The following FRS2 variants were observed in gnomAD, a reference collection of about 807,000 sequenced individuals.
FRS2 encodes fibroblast growth factor receptor substrate 2, also known as FGFR signalling adaptor.
FRS2 carries 8 observed loss-of-function variants against 43.9 expected under a neutral mutation model. The observed-to-expected ratio is 0.18, with a 90% CI of 0.11 to 0.33. The LOEUF (loss-of-function observed/expected upper bound fraction) is 0.33. Among genes scored for constraint, FRS2 ranks in the 10% least tolerant of loss-of-function variants. The pLI is 1.00. For missense variants in FRS2, 534 were observed against 627.6 expected, an observed-to-expected ratio of 0.85 and a Z score of 1.59; for synonymous variants, 219 against 220.3, an observed-to-expected ratio of 0.99 and a Z score of 0.05.
At chr12:69,523,601 G>A (rs1019378919) in intron 1 of FRS2, among the ~76,000 whole-genome samples, 4 of 152,242 alleles carry the variant, frequency 2.6e-5, no homozygotes, top group South Asian at 4.2e-4. Context: ...ATATGTGTGC[G>A]TTTGATCCTG....
rs1018729338 is a variant in FRS2 at position 69,577,611 on chromosome 12, T to C, written c.*2656T>C. On this transcript the variant is annotated 3_prime_UTR_variant, in exon 9 of 9. Transcript: ENST00000549921. Reference sequence around the variant, plus strand: ...TTTTCCCTCCAAATAGAATACTGTTTTATCCATACAAATCATAACAGCATC... The same window carrying C: ...TTTTCCCTCCAAATAGAATACTGTTCTATCCATACAAATCATAACAGCATC... The C allele has an allele frequency of 2.0e-5, 3 of 152,620 alleles. No individual in the cohort carries two copies. Among genetic ancestry groups the C allele is most frequent in the Non-Finnish European group, 4.4e-5 (3 of 68,010 alleles). 9.5% of individuals were successfully genotyped at this position (152,620 alleles called of 1,614,324 possible). A position where few individuals can be genotyped will look rare whatever the true frequency, so the allele number is the denominator to read the frequency against.
At chr12:69,494,501 C>G (rs1872718002) in intron 1 of FRS2, among the ~76,000 whole-genome samples, 1 of 152,196 alleles carries the variant, frequency 6.6e-6, no homozygotes, top group Non-Finnish European at 1.5e-5. Context: ...AATTCTAACT[C>G]AGTTCTTTCT....
At chr12:69,537,783 A>G (rs1877452927) in intron 3 of FRS2, 1 of 152,352 alleles carries the variant, frequency 6.6e-6, no homozygotes, top group South Asian at 2.1e-4. Flanking sequence ...TCTTTGAATA[A>G]TGCCTCTTAT....
At chr12:69,545,096 A>G (rs1242729941) in intron 3 of FRS2, among the ~76,000 whole-genome samples, 1 of 152,200 alleles carries the variant, frequency 6.6e-6, no homozygotes, top group Non-Finnish European at 1.5e-5. Flanking sequence ...TAACCAAAGA[A>G]GTGAAAGATT....
rs369512504 is a variant in FRS2, at chr12:69,574,504, G to T, written c.1076G>T (p.Trp359Leu). 3.7e-6 allele frequency: 6 copies of T among 1,613,942 alleles called. No individual in the cohort carries two copies. The highest frequency in any genetic ancestry group is 5.1e-6 in the Non-Finnish European group (6 of 1,179,994). The change falls in exon 9 of 9, where the codon TGG (tryptophan) becomes TTG (leucine). Residue 359 changes from tryptophan to leucine, a missense_variant. By Grantham distance (61) the Trp-to-Leu change is moderately conservative. Transcript: ENST00000549921. The part of the protein sequence containing the change: ...YENLPSLPPV[W>L]EARKLSRDED... Reference sequence around the variant, plus strand: ...AATCTACCATCTTTGCCTCCTGTTTGGGAAGCCCGCAAGCTAAGTAGGGAT... The same window carrying T: ...AATCTACCATCTTTGCCTCCTGTTTTGGAAGCCCGCAAGCTAAGTAGGGAT...
At chr12:69,479,708 T>C (rs771016440) in intron 1 of FRS2, among the ~76,000 whole-genome samples, 41 of 152,188 alleles carry the variant, frequency 2.7e-4, no homozygotes, top group Non-Finnish European at 4.7e-4. Context: ...ATCTGTTGTT[T>C]CTTTATGGCT....
intron 8 of FRS2, among the ~76,000 whole-genome samples, chr12:69,573,666 T>G (rs1880946741): frequency 1.3e-5 from 2 of 152,218 alleles, no homozygotes; most frequent in African/African-American, 4.8e-5. Flanking sequence ...TTTCACCATG[T>G]TGGCCAGGAT....
At chr12:69,499,744 T>C (rs1381213786) in intron 1 of FRS2, among the ~76,000 whole-genome samples, 14 of 148,346 alleles carry the variant, frequency 9.4e-5, no homozygotes, top group Admixed American at 7.6e-4. Context: ...ATTGTGTGAA[T>C]GGTTATATAG....
In FRS2 at chr12:69,557,594, T is replaced by TTGTG. The variant is rs376896422; in HGVS notation, c.-121-4563_-121-4560dup. ...TTTCTTTGAGAGTTCTGAAGGTTGA[T>TTGTG]TGTGTGTGTGTGTGTGTGTGTGTGT... On this transcript the variant is annotated intron_variant, in intron 3 of 8. Coordinates refer to ENST00000549921, the MANE Select transcript of FRS2 (RefSeq NM_001278356.2). 3.9e-3 allele frequency among the ~76,000 whole-genome samples: 529 copies of TTGTG among 137,076 alleles called. 4 individuals are homozygous for TTGTG. Among genetic ancestry groups the TTGTG allele is most frequent in the African/African-American group, 0.012 (452 of 36,520 alleles). 89.9% of individuals were successfully genotyped at this position (137,076 alleles called of 152,430 possible).
In FRS2 at chr12:69,569,434, A is replaced by T. The variant is rs542020712; in HGVS notation, c.66+338A>T. 7.9e-5 allele frequency among the ~76,000 whole-genome samples: 12 copies of T among 152,220 alleles called. No individual in the cohort carries two copies. In the South Asian group the frequency reaches 8.3e-4, roughly 11 times the overall value. ...CTGTGTGATTTCTTAACTGGACTCT[A>T]CCTCAAGTCACCCTCTGATTCATCC... On this transcript the variant is annotated intron_variant, in intron 5 of 8. Coordinates refer to ENST00000549921, the MANE Select transcript of FRS2 (RefSeq NM_001278356.2).
At chr12:69,497,300 CT>C (rs1872993446) in intron 1 of FRS2, among the ~76,000 whole-genome samples, 1 of 152,170 alleles carries the variant, frequency 6.6e-6, no homozygotes, top group Non-Finnish European at 1.5e-5. Flanking sequence ...TACATTCGGG[CT>C]AATATAACAA....
intron 1 of FRS2, among the ~76,000 whole-genome samples, chr12:69,509,808 T>G (rs540586870): frequency 1.3e-5 from 2 of 152,306 alleles, no homozygotes; most frequent in East Asian, 3.9e-4. Context: ...GCTTTATACT[T>G]CTAAAAACTC....
chr12:69,541,611 AG>A (rs1877906841), intron 3 of FRS2, among the ~76,000 whole-genome samples: 1 of 151,930 alleles, frequency 6.6e-6, no homozygotes. Context: ...GGATCACTTG[AG>A]CCTGGGAGTT....
chr12:69,509,521 ATCACCAC>A (rs1874265883), intron 1 of FRS2, among the ~76,000 whole-genome samples: 1 of 152,192 alleles, frequency 6.6e-6, no homozygotes, highest in South Asian at 2.1e-4. Flanking sequence ...GTGTGCAATA[ATCACCAC>A]TATTCATCTC....
At chr12:69,481,424 C>A (rs221081) in intron 1 of FRS2, among the ~76,000 whole-genome samples, 14,222 of 151,874 alleles carry the variant, frequency 0.094, 880 homozygotes, top group Non-Finnish European at 0.14. Flanking sequence ...ACAGGCAGGC[C>A]CAACCATGCC....
At chr12:69,473,893 A>G (rs189742624) in intron 1 of FRS2, among the ~76,000 whole-genome samples, 1 of 152,116 alleles carries the variant, frequency 6.6e-6, no homozygotes, top group African/African-American at 2.4e-5. Flanking sequence ...GCCAGGCTGG[A>G]GTGCGGTGGC....
Position 69,539,246 on chromosome 12 carries a change from T to G in FRS2, c.-122+7190T>G, listed in dbSNP as rs143435654. On this transcript the variant is annotated intron_variant, in intron 3 of 8. Transcript: ENST00000549921. ...CACATCACCATGCCTGGCAAATTTT[T>G]TGTATTTTTAGTAGAGATGGGGGTT... Among the ~76,000 whole-genome samples the G allele has an allele frequency of 5.8e-3, 882 of 152,126 alleles. 8 individuals are homozygous for G. The highest frequency in any genetic ancestry group is 0.02 in the African/African-American group (849 of 41,490).
chr12:69,527,625 G>A (rs1037380755), intron 1 of FRS2, among the ~76,000 whole-genome samples: 2 of 152,100 alleles, frequency 1.3e-5, no homozygotes, highest in African/African-American at 4.8e-5. Context: ...GAATCCTGAG[G>A]CTATCTCTGA....
At chr12:69,522,428 C>T (rs1875772646) in intron 1 of FRS2, among the ~76,000 whole-genome samples, 1 of 152,008 alleles carries the variant, frequency 6.6e-6, no homozygotes, top group Non-Finnish European at 1.5e-5. Context: ...ATTTTTATAT[C>T]TGTGGGATCA....
Sources: allele counts gnomAD v4.1 joint callset (sites outside exome capture counted in the v4.1 genomes callset), GRCh38; gene constraint gnomAD v4.1.1; transcripts MANE v1.5; gene names NCBI Gene and HGNC (gene_info 2026-07-23, HGNC 2026-07-21).